ITPR1: variants seen among roughly 807,000 people sequenced by gnomAD.
ITPR1 encodes the protein inositol 1,4,5-trisphosphate-gated calcium channel ITPR1.
Under a neutral mutation model 318.4 loss-of-function variants are expected in ITPR1, and 96 were observed. That is an observed-to-expected ratio of 0.30 (90% CI 0.26 to 0.36). The LOEUF (loss-of-function observed/expected upper bound fraction) is 0.36. Among genes scored for constraint, ITPR1 ranks in the 10% least tolerant of loss-of-function variants. The probability of loss-of-function intolerance (pLI) is 1.00; values close to 1 mark genes in which losing one functional copy is unlikely to be tolerated. For synonymous variants in ITPR1, 1,312 were observed against 1,289.9 expected (o/e 1.02, Z -0.37); for missense variants, 2,440 against 3,460.2 (o/e 0.71, Z 7.40).
chr3:4,576,395 CT>C (rs1391026798), intron 4 of ITPR1, among the ~76,000 whole-genome samples: 2 of 152,144 alleles, frequency 1.3e-5, no homozygotes, highest in African/African-American at 4.8e-5. Context: ...GAGGTGAGGC[CT>C]TGGGTTATGG....
At chr3:4,529,948 T>G (rs76223102) in intron 4 of ITPR1, among the ~76,000 whole-genome samples, 8,346 of 152,242 alleles carry the variant, frequency 0.055, 293 homozygotes, top group Middle Eastern at 0.082. Context: ...TAGCTAGAAG[T>G]GGCAGAGCTG....
At chr3:4,545,848 C>T (rs927467941) in intron 4 of ITPR1, among the ~76,000 whole-genome samples, 7 of 151,768 alleles carry the variant, frequency 4.6e-5, no homozygotes, top group African/African-American at 1.5e-4. Context: ...TAGGCTAGGA[C>T]CCCCATGCTT....
Position 4,811,250 on chromosome 3 carries a change from T to C in ITPR1, c.7273-15T>C, listed in dbSNP as rs759238581. 1.3e-6 allele frequency: 2 copies of C among 1,526,402 alleles called. No homozygotes were observed. The highest frequency in any genetic ancestry group is 1.8e-6 in the Non-Finnish European group (2 of 1,136,566). 94.6% of individuals were successfully genotyped at this position (1,526,402 alleles called of 1,614,324 possible). ...CATCAAGGCTTCTTAAAATTCTTTT[T>C]GTTTGTTTTCAAAGCTTTTTGATTT... On this transcript the variant is annotated splice_polypyrimidine_tract_variant and intron_variant, in intron 55 of 61. Coordinates refer to ENST00000649015, the MANE Select transcript of ITPR1 (RefSeq NM_001378452.1).
At chr3:4,523,430 A>T (rs1575406029) in intron 4 of ITPR1, among the ~76,000 whole-genome samples, 1 of 150,704 alleles carries the variant, frequency 6.6e-6, no homozygotes, top group South Asian at 2.1e-4. Flanking sequence ...CATGCTTATT[A>T]TTTTTTTTGG....
At chr3:4,565,958 A>C (rs1271418296) in intron 4 of ITPR1, among the ~76,000 whole-genome samples, 1 of 152,146 alleles carries the variant, frequency 6.6e-6, no homozygotes, top group African/African-American at 2.4e-5. Context: ...TTTTGACCTA[A>C]GGTTTGTGCC....
chr3:4,749,406 C>T (rs921630424), intron 44 of ITPR1: 1 of 152,116 alleles, frequency 6.6e-6, no homozygotes, highest in African/African-American at 2.4e-5. Flanking sequence ...GAGGTGACCC[C>T]CTGAGCTGAT....
At chr3:4,510,403 A>T (rs543535510) in intron 2 of ITPR1, among the ~76,000 whole-genome samples, 1 of 152,336 alleles carries the variant, frequency 6.6e-6, no homozygotes, top group South Asian at 2.1e-4. Context: ...AGGAGGAAAG[A>T]CAGATTCAGA....
At chr3:4,658,885 G>A (rs1191285428) in intron 13 of ITPR1, among the ~76,000 whole-genome samples, 2 of 152,120 alleles carry the variant, frequency 1.3e-5, no homozygotes, top group Admixed American at 6.5e-5. Context: ...CACTTATTGA[G>A]CGCTGACTGC....
chr3:4,524,547 A>T (rs1344095035), intron 4 of ITPR1, among the ~76,000 whole-genome samples: 1 of 152,080 alleles, frequency 6.6e-6, no homozygotes, highest in East Asian at 1.9e-4. Context: ...GAATGGGATG[A>T]TGGAGTCTTT....
At chr3:4,574,335 G>A (rs781496438) in intron 4 of ITPR1, among the ~76,000 whole-genome samples, 1 of 151,792 alleles carries the variant, frequency 6.6e-6, no homozygotes, top group South Asian at 2.1e-4. Context: ...CACATTTCCT[G>A]TTGTAATGTG....
chr3:4,546,500 G>A (rs2085017088), intron 4 of ITPR1, among the ~76,000 whole-genome samples: 1 of 152,134 alleles, frequency 6.6e-6, no homozygotes, highest in Admixed American at 6.5e-5. Flanking sequence ...TCCTTTCCAG[G>A]AGTTCTTGCC....
chr3:4,835,757 A>G (rs761794180), intron 60 of ITPR1, among the ~76,000 whole-genome samples: 4 of 152,204 alleles, frequency 2.6e-5, no homozygotes. Context: ...TGTATGCGGC[A>G]TGCTCTTTGG....
chr3:4,639,682 C>G (rs1182470327), intron 6 of ITPR1, among the ~76,000 whole-genome samples: 1 of 152,196 alleles, frequency 6.6e-6, no homozygotes, highest in South Asian at 2.1e-4. Flanking sequence ...ATCTACTTCT[C>G]TCTGTCTGTG....
intron 4 of ITPR1, among the ~76,000 whole-genome samples, chr3:4,578,516 T>C (rs184388256): frequency 6.6e-6 from 1 of 152,248 alleles, no homozygotes; most frequent in Non-Finnish European, 1.5e-5. Flanking sequence ...ATATATATAG[T>C]GTGTGTGCCA....
At chr3:4,641,578 G>A (rs555205773) in intron 6 of ITPR1, among the ~76,000 whole-genome samples, 1 of 152,282 alleles carries the variant, frequency 6.6e-6, no homozygotes, top group East Asian at 1.9e-4. Flanking sequence ...ATCTCCCTGT[G>A]TCGCCCAGGC....
chr3:4,668,495 T>A (rs948903204), intron 18 of ITPR1, among the ~76,000 whole-genome samples: 3 of 151,440 alleles, frequency 2.0e-5, no homozygotes, highest in Non-Finnish European at 4.4e-5. Context: ...TAAGATGGAG[T>A]CTCGCTCTGT....
chr3:4,715,106 C>A (rs959717339), intron 39 of ITPR1, among the ~76,000 whole-genome samples: 69 of 152,180 alleles, frequency 4.5e-4, no homozygotes, highest in African/African-American at 1.6e-3. Flanking sequence ...AAAACATAGG[C>A]TCTGAGAGCT....
Position 4,570,321 on chromosome 3 carries a change from G to A in ITPR1, c.163+49227G>A, listed in dbSNP as rs532343136. Among the ~76,000 whole-genome samples the A allele has an allele frequency of 3.3e-5, 5 of 152,300 alleles. No homozygotes were observed. The East Asian group carries it at 7.7e-4, about 23-fold the overall frequency. ...CTGTGTTAAAAATGTCTTATAATCT[G>A]TGAATAGCATTTAAGAAAGCAATGT... On this transcript the variant is annotated intron_variant, in intron 4 of 61. Transcript: ENST00000649015.
At chr3:4,703,986 C>T (rs2125268682) in intron 36 of ITPR1, among the ~76,000 whole-genome samples, 1 of 152,252 alleles carries the variant, frequency 6.6e-6, no homozygotes, top group South Asian at 2.1e-4. Flanking sequence ...AAGAATGTGC[C>T]TGGTGAACTA....
Sources: gnomAD v4.1 joint callset for allele counts (sites outside exome capture counted in the v4.1 genomes callset) on GRCh38, gnomAD v4.1.1 for gene constraint, MANE v1.5 for transcripts, NCBI Gene and HGNC (gene_info 2026-07-23, HGNC 2026-07-21) for gene names.